Variants in CD2AP observed in about 807,000 individuals in gnomAD.
CD2AP encodes CD2-associated protein.
In CD2AP, 46 loss-of-function variants were observed where a neutral mutation model predicts 85.1. The observed-to-expected ratio is 0.54, with a 90% CI of 0.43 to 0.69. The LOEUF is 0.69. CD2AP is among the 30% of genes least tolerant of loss of function. CD2AP has a pLI of 0.00. For missense variants in CD2AP, 769 were observed against 729.5 expected (o/e 1.05, Z -0.62); for synonymous variants, 255 against 252.9 (o/e 1.01, Z -0.08).
Position 47,609,238 on chromosome 6 carries a change from T to A in CD2AP, c.1748T>A (p.Leu583Gln). The A allele has an allele frequency of 6.2e-7, 1 of 1,613,728 alleles. No homozygotes were observed. The highest frequency in any genetic ancestry group is 8.5e-7 in the Non-Finnish European group (1 of 1,179,776). Reference sequence around the variant, plus strand: ...ACAGATGATGTGAAAAAAAATTCCCTGGATGAACTTAGAGCCCAGATTATT... The same window carrying A: ...ACAGATGATGTGAAAAAAAATTCCCAGGATGAACTTAGAGCCCAGATTATT... ...VETDDVKKNS[L>Q]DELRAQIIEL... Residue 583 changes from leucine to glutamine, a missense_variant, in exon 16 of 18, where the codon CTG becomes CAG. Physicochemically the swap from Leu to Gln is moderately radical, Grantham distance 113. Transcript: ENST00000359314.
In CD2AP at chr6:47,598,480, T is replaced by C. The variant is rs1769010612; in HGVS notation, c.1275-821T>C. ...TGTTTATAGCAGCACAATTCGCAAT[T>C]GCAAAGTATGGAACCAGCCCAGATG... On this transcript the variant is annotated intron_variant, in intron 12 of 17. Transcript: ENST00000359314. Among the ~76,000 whole-genome samples the C allele has an allele frequency of 1.3e-5, 2 of 150,982 alleles. 1 individual carries two copies. Among genetic ancestry groups the C allele is most frequent in the Non-Finnish European group, 3.0e-5 (2 of 67,314 alleles).
intron 17 of CD2AP, among the ~76,000 whole-genome samples, chr6:47,619,516 C>G (rs1351455074): frequency 1.3e-5 from 2 of 152,102 alleles, no homozygotes; most frequent in African/African-American, 2.4e-5. Flanking sequence ...GTGAGTCTTG[C>G]TGCTGTAAAC....
intron 2 of CD2AP, among the ~76,000 whole-genome samples, chr6:47,532,027 C>T (rs998289619): frequency 1.3e-5 from 2 of 151,608 alleles, no homozygotes; most frequent in African/African-American, 2.4e-5. Flanking sequence ...GACCAGAGAT[C>T]GCGCTCAGTG....
chr6:47,561,116 C>T (rs977474691), intron 5 of CD2AP, among the ~76,000 whole-genome samples: 10 of 152,244 alleles, frequency 6.6e-5, no homozygotes, highest in African/African-American at 2.4e-4. Context: ...ACTTCTGTGA[C>T]TTTTTAAAAA....
chr6:47,500,800 G>A (rs1459030482), intron 1 of CD2AP, among the ~76,000 whole-genome samples: 1 of 149,516 alleles, frequency 6.7e-6, no homozygotes, highest in Non-Finnish European at 1.5e-5. Flanking sequence ...AGGCTGGTGT[G>A]CAGTGGCACA....
intron 13 of CD2AP, among the ~76,000 whole-genome samples, chr6:47,602,937 A>G (rs577997907): frequency 9.0e-4 from 137 of 152,124 alleles, no homozygotes; most frequent in African/African-American, 3.2e-3. Flanking sequence ...AAAGAAACAC[A>G]TTATTCGATG....
intron 4 of CD2AP, among the ~76,000 whole-genome samples, chr6:47,546,789 G>A (rs1196322705): frequency 6.6e-6 from 1 of 152,146 alleles, no homozygotes; most frequent in African/African-American, 2.4e-5. Flanking sequence ...AGAAGTACCA[G>A]GTAACCTATA....
At chr6:47,605,345 C>A (rs1254112935) in intron 13 of CD2AP, among the ~76,000 whole-genome samples, 1 of 151,888 alleles carries the variant, frequency 6.6e-6, no homozygotes, top group Non-Finnish European at 1.5e-5. Flanking sequence ...AAAGAAATTT[C>A]CTTTAGCAAG....
intron 4 of CD2AP, among the ~76,000 whole-genome samples, chr6:47,547,982 A>G (rs2151976): frequency 0.6 from 91,780 of 151,924 alleles, 28,540 homozygotes; most frequent in Middle Eastern, 0.74. Context: ...ACTGAACGAC[A>G]ATAGTGACAC....
chr6:47,581,058 A>G (rs1768465109), intron 10 of CD2AP, among the ~76,000 whole-genome samples, 158 bp downstream of exon 10: 2 of 152,148 alleles, frequency 1.3e-5, no homozygotes, highest in Admixed American at 6.5e-5. Flanking sequence ...ATGCATTAGT[A>G]TCTGTCATTT....
chr6:47,574,272 A>G (rs772700438), intron 6 of CD2AP, 21 bp downstream of exon 6: 1 of 1,592,202 alleles, frequency 6.3e-7, no homozygotes, highest in South Asian at 1.1e-5. Context: ...TGGACTTGTT[A>G]GATTAACTCC....
chr6:47,496,984 C>T (rs1158633107), intron 1 of CD2AP, among the ~76,000 whole-genome samples: 1 of 152,110 alleles, frequency 6.6e-6, no homozygotes, highest in Non-Finnish European at 1.5e-5. Context: ...TTACGAACCT[C>T]CCTCTCTCAA....
chr6:47,531,122 G>T lies in CD2AP; in HGVS notation c.166-2480G>T, dbSNP rs184252163. Among the ~76,000 whole-genome samples the T allele has an allele frequency of 5.9e-5, 9 of 152,082 alleles. No individual in the cohort carries two copies. The East Asian group carries it at 1.7e-3, about 30-fold the overall frequency. ...AATGTGTTTTTTGATATCATACTAAGATAATCAGCTTTTAAGAGTAAAAAA... is the reference window on the plus strand; with the variant it reads ...AATGTGTTTTTTGATATCATACTAATATAATCAGCTTTTAAGAGTAAAAAA... On this transcript the variant is annotated intron_variant, in intron 2 of 17. Coordinates refer to ENST00000359314, the MANE Select transcript of CD2AP (RefSeq NM_012120.3).
chr6:47,614,499 A>G (rs922976906), intron 17 of CD2AP, among the ~76,000 whole-genome samples: 5 of 152,318 alleles, frequency 3.3e-5, no homozygotes, highest in South Asian at 2.1e-4. Flanking sequence ...ACATTTATCA[A>G]TTAAGTTTGC....
chr6:47,497,515 A>G (rs1225232597), intron 1 of CD2AP, among the ~76,000 whole-genome samples: 1 of 151,798 alleles, frequency 6.6e-6, no homozygotes, highest in Non-Finnish European at 1.5e-5. Context: ...CACTCAAGCC[A>G]TCCTCTCACT....
chr6:47,599,442 AG>A lies in CD2AP; in HGVS notation c.1417+1del. 1 of 1,611,952 alleles carries A rather than the reference AG, an allele frequency of 6.2e-7. No individual in the cohort carries two copies. Among genetic ancestry groups the A allele is most frequent in the Non-Finnish European group, 8.5e-7 (1 of 1,178,756 alleles). On this transcript the variant is annotated frameshift_variant and splice_region_variant, in exon 13 of 18. Transcript: ENST00000359314. LOFTEE classifies it high-confidence loss of function. The part of the protein sequence containing the change: ...SLTVRTSKET[D>X]VVNFDDIASS... ...TTACAGTAAGGACCTCCAAAGAAAC[AG>A]GTAAGTCAGCATGGACAGCGGTGGT...
chr6:47,540,174 CAAAAAAA>C (rs373888400), intron 3 of CD2AP, among the ~76,000 whole-genome samples: 62 of 55,656 alleles, frequency 1.1e-3, no homozygotes, highest in African/African-American at 3.4e-3. Context: ...GGCCCTGTCT[CAAAAAAA>C]AAAAAAAAAA....
chr6:47,579,544 T>A (rs1397047450), intron 9 of CD2AP, 55 bp downstream of exon 9: 9 of 1,162,086 alleles, frequency 7.7e-6, no homozygotes, highest in Non-Finnish European at 1.0e-5. Context: ...TTGCCACTAT[T>A]CTTTTGCAAA....
intron 2 of CD2AP, among the ~76,000 whole-genome samples, chr6:47,508,552 T>TG (rs1766238569): frequency 6.7e-6 from 1 of 148,312 alleles, no homozygotes; most frequent in Non-Finnish European, 1.5e-5. Context: ...TTTTGTTTTT[T>TG]TTTTTTTTTT....
Sources: allele counts gnomAD v4.1 joint callset (sites outside exome capture counted in the v4.1 genomes callset), GRCh38; gene constraint gnomAD v4.1.1; transcripts MANE v1.5; gene names NCBI Gene and HGNC (gene_info 2026-07-23, HGNC 2026-07-21).